HPSE2: variants seen among roughly 807,000 people sequenced by gnomAD.
HPSE2 encodes the protein inactive heparanase-2.
A neutral mutation model predicts 60.5 loss-of-function variants in HPSE2; 38 were observed. The observed-to-expected ratio is 0.63, with a 90% confidence interval of 0.48 to 0.82. The LOEUF (loss-of-function observed/expected upper bound fraction) is 0.82. HPSE2 is among the 40% of genes least tolerant of loss of function. The probability of loss-of-function intolerance (pLI) is 0.00; values close to 1 mark genes in which losing one functional copy is unlikely to be tolerated. For missense variants in HPSE2, 713 were observed against 740.4 expected, an observed-to-expected ratio of 0.96 and a Z score of 0.43; for synonymous variants, 295 against 293.2, an observed-to-expected ratio of 1.01 and a Z score of -0.06.
chr10:98,888,148 A>G (rs1953224026), intron 3 of HPSE2, among the ~76,000 whole-genome samples: 2 of 150,338 alleles, frequency 1.3e-5, no homozygotes, highest in South Asian at 4.2e-4. Context: ...ACACACACAC[A>G]CACACACACA....
chr10:99,300,959 A>G, the HPSE2 span, among the ~76,000 whole-genome samples: 1 of 152,114 alleles, frequency 6.6e-6, no homozygotes, highest in Non-Finnish European at 1.5e-5. Context: ...TTTTACCTGT[A>G]AAAAAACCAA....
At chr10:99,053,570 A>T (rs1312849551) in intron 3 of HPSE2, among the ~76,000 whole-genome samples, 1 of 152,198 alleles carries the variant, frequency 6.6e-6, no homozygotes, top group African/African-American at 2.4e-5. Flanking sequence ...GCAACTATAA[A>T]CTTGAACAAA....
intron 3 of HPSE2, among the ~76,000 whole-genome samples, chr10:99,136,501 G>A (rs1179028193): frequency 6.6e-6 from 1 of 152,134 alleles, no homozygotes; most frequent in African/African-American, 2.4e-5. Context: ...ATAAAATACT[G>A]GCAAACCGAA....
the HPSE2 span, among the ~76,000 whole-genome samples, chr10:99,252,943 C>T: frequency 2.7e-5 from 4 of 150,002 alleles, no homozygotes; most frequent in African/African-American, 9.8e-5. Context: ...AAGATCTCTA[C>T]AAGGAGAACT....
chr10:99,263,454 C>T, the HPSE2 span, among the ~76,000 whole-genome samples: 7 of 152,334 alleles, frequency 4.6e-5, no homozygotes, highest in South Asian at 1.4e-3. Flanking sequence ...CGCAAGGGTC[C>T]TCCATCATTA....
chr10:98,884,374 A>G (rs768478686), intron 3 of HPSE2, among the ~76,000 whole-genome samples: 3 of 152,178 alleles, frequency 2.0e-5, no homozygotes, highest in Non-Finnish European at 4.4e-5. Context: ...GACGTAGTTG[A>G]AACAGCCTTC....
intron 3 of HPSE2, among the ~76,000 whole-genome samples, chr10:99,058,325 C>G (rs933289819): frequency 3.9e-5 from 6 of 152,170 alleles, no homozygotes; most frequent in Non-Finnish European, 7.3e-5. Flanking sequence ...TTAATGAAAT[C>G]TTGTTTGAAT....
At chr10:99,256,519 C>A in the HPSE2 span, among the ~76,000 whole-genome samples, 1 of 149,822 alleles carries the variant, frequency 6.7e-6, no homozygotes, top group Non-Finnish European at 1.5e-5. Flanking sequence ...TCCGTTAGCA[C>A]AAAATGGACT....
intron 3 of HPSE2, among the ~76,000 whole-genome samples, chr10:98,883,289 G>C (rs1473610192): frequency 6.6e-6 from 1 of 152,068 alleles, no homozygotes; most frequent in Admixed American, 6.6e-5. Flanking sequence ...CACAAGGCAT[G>C]GGTGTTATAA....
chr10:99,155,649 C>T (rs1458955646), intron 2 of HPSE2, among the ~76,000 whole-genome samples: 7 of 147,820 alleles, frequency 4.7e-5, no homozygotes, highest in African/African-American at 7.5e-5. Context: ...CAAGAGAAAG[C>T]AGGAAAGATC....
chr10:99,108,718 T>C (rs1168233416), intron 3 of HPSE2, among the ~76,000 whole-genome samples: 1 of 152,226 alleles, frequency 6.6e-6, no homozygotes, highest in Non-Finnish European at 1.5e-5. Context: ...CCTTTTAGCA[T>C]GAAGTGGTTT....
At chr10:98,474,050 A>T (rs1940897609) in intron 11 of HPSE2, among the ~76,000 whole-genome samples, 1 of 152,200 alleles carries the variant, frequency 6.6e-6, no homozygotes, top group South Asian at 2.1e-4. Context: ...GATAATGGAA[A>T]CCTGCAGGGA....
rs112270992 is a variant in HPSE2, at chr10:98,964,082, T to C, written c.610+180156A>G. 2.0e-3 allele frequency among the ~76,000 whole-genome samples: 309 copies of C among 152,298 alleles called. 1 individual carries two copies. Among genetic ancestry groups the C allele is most frequent in the Non-Finnish European group, 3.5e-3 (238 of 68,004 alleles). On this transcript the variant is annotated intron_variant, in intron 3 of 11. Transcript: ENST00000370552. ...ATATGAGGAACACCTGCATAGTTCA[T>C]AGTTCAATAAATAAACAAAAAAGTT...
intron 9 of HPSE2, among the ~76,000 whole-genome samples, chr10:98,594,761 T>C (rs575626995): frequency 6.6e-6 from 1 of 152,334 alleles, no homozygotes; most frequent in East Asian, 1.9e-4. Context: ...GCTGCAATGA[T>C]CATGGAAGGG....
intron 3 of HPSE2, among the ~76,000 whole-genome samples, chr10:98,883,968 G>A (rs1268009024): frequency 6.6e-6 from 1 of 151,706 alleles, no homozygotes; most frequent in Non-Finnish European, 1.5e-5. Context: ...ATACCAAACA[G>A]TTAGCCAACT....
Position 98,690,186 on chromosome 10 carries a change from C to T in HPSE2, c.1004+3714G>A, listed in dbSNP as rs1948038191. On this transcript the variant is annotated intron_variant, in intron 6 of 11. Transcript: ENST00000370552. ...ACTCCTTCTCCTTGACACTTCAAGC[C>T]AATATGAGCATGCATTTCTGTTTGA... Among the ~76,000 whole-genome samples the T allele has an allele frequency of 2.6e-5, 4 of 152,116 alleles. No homozygotes were observed. In the South Asian group the frequency reaches 8.3e-4, roughly 32 times the overall value.
chr10:99,249,032 C>G, the HPSE2 span, among the ~76,000 whole-genome samples: 1 of 152,360 alleles, frequency 6.6e-6, no homozygotes, highest in East Asian at 1.9e-4. Context: ...AAGTCTGCTG[C>G]AGGGGTGAAG....
At chr10:98,527,061 C>A (rs1341129029) in intron 9 of HPSE2, among the ~76,000 whole-genome samples, 1 of 152,074 alleles carries the variant, frequency 6.6e-6, no homozygotes, top group Admixed American at 6.5e-5. Context: ...CTTGGTTCCC[C>A]TCTTAACCTT....
At chr10:98,919,291 G>A (rs1954214715) in intron 3 of HPSE2, among the ~76,000 whole-genome samples, 1 of 152,140 alleles carries the variant, frequency 6.6e-6, no homozygotes, top group Non-Finnish European at 1.5e-5. Context: ...AGCATGAAGG[G>A]GAGAATAGAA....
Sources: gnomAD v4.1 joint callset for allele counts (sites outside exome capture counted in the v4.1 genomes callset) on GRCh38, gnomAD v4.1.1 for gene constraint, MANE v1.5 for transcripts, NCBI Gene and HGNC (gene_info 2026-07-23, HGNC 2026-07-21) for gene names.